Variants in CALCOCO2 observed in about 807,000 individuals in gnomAD.
CALCOCO2 encodes calcium-binding and coiled-coil domain-containing protein 2.
Under a neutral mutation model 62.5 loss-of-function variants are expected in CALCOCO2, and 42 were observed. The observed-to-expected ratio is 0.67, with a 90% CI of 0.53 to 0.87. CALCOCO2 has a LOEUF of 0.87. Ranked by LOEUF, CALCOCO2 falls within the 40% of genes least tolerant of loss-of-function variation. The pLI is 0.00. For missense variants in CALCOCO2, 456 were observed against 515.0 expected, an observed-to-expected ratio of 0.89 and a Z score of 1.11; for synonymous variants, 167 against 173.0, an observed-to-expected ratio of 0.97 and a Z score of 0.27.
chr17:48,834,316 A>G (rs1401030797), intron 1 of CALCOCO2, among the ~76,000 whole-genome samples: 2 of 151,982 alleles, frequency 1.3e-5, no homozygotes, highest in East Asian at 3.9e-4. Flanking sequence ...ATACTTTCCC[A>G]TTATTGCCTG....
Position 48,849,256 on chromosome 17 carries a change from AG to A in CALCOCO2, c.424del (p.Val142TrpfsTer18), listed in dbSNP as rs758782547. On this transcript the variant is annotated frameshift_variant, in exon 5 of 13. Transcript: ENST00000258947. LOFTEE classifies it high-confidence loss of function. The stretch of plus-strand genomic sequence containing the variant: ...TTATGGAATGTTCTTTTGTAGGGAG[AG>A]GTGGAAGAGATTGAGCAGCACAACA... Reference protein sequence around the residue: ...EDILVVTTQGEVEEIEQHNKE... With the variant: ...EDILVVTTQGXVEEIEQHNKE... The A allele has an allele frequency of 9.3e-6, 15 of 1,613,526 alleles. No homozygotes were observed. The African/African-American group carries it at 1.7e-4, about 19-fold the overall frequency.
intron 2 of CALCOCO2, among the ~76,000 whole-genome samples, chr17:48,845,113 G>T (rs1453130236): frequency 6.6e-6 from 1 of 151,744 alleles, no homozygotes; most frequent in Non-Finnish European, 1.5e-5. Context: ...TCCAGCCTGG[G>T]CAACAGAGCA....
chr17:48,860,404 G>A lies in CALCOCO2; in HGVS notation c.1099G>A (p.Gly367Ser), dbSNP rs977693511. The change falls in exon 11 of 13, where the codon GGC becomes AGC. Residue 367 changes from glycine to serine, a missense_variant. Physicochemically the swap from Gly to Ser is moderately conservative, Grantham distance 56. Transcript: ENST00000258947. The part of the protein sequence containing the change: ...PYQVPTSDEG[G>S]ARQNPGLAYG... Reference sequence around the variant, plus strand: ...TCAAGTACCTACTTCAGATGAAGGAGGCGCAAGACAAAATCCAGGACTTGC... The same window carrying A: ...TCAAGTACCTACTTCAGATGAAGGAAGCGCAAGACAAAATCCAGGACTTGC... 9 of 1,613,972 alleles carry A rather than the reference G, an allele frequency of 5.6e-6. No homozygotes were observed. Among genetic ancestry groups the A allele is most frequent in the Non-Finnish European group, 7.6e-6 (9 of 1,179,880 alleles).
Position 48,856,087 on chromosome 17 carries a change from G to T in CALCOCO2, c.913-5G>T. On this transcript the variant is annotated splice_polypyrimidine_tract_variant and splice_region_variant and intron_variant, in intron 9 of 12. Transcript: ENST00000258947. ...CCTAATCCTAATTTTTTTTATTGTT[G>T]ACAGGATGAAAACTTTGACCTGTCA... 1.3e-6 allele frequency: 2 copies of T among 1,507,908 alleles called. No individual in the cohort carries two copies. Among genetic ancestry groups the T allele is most frequent in the South Asian group, 2.3e-5 (2 of 86,714 alleles). The allele number at this position is 1,507,908 out of a possible 1,614,324, so 93.4% of individuals were successfully genotyped here.
At chr17:48,862,021 C>G (rs1016749754) in intron 11 of CALCOCO2, among the ~76,000 whole-genome samples, 98 of 148,466 alleles carry the variant, frequency 6.6e-4, no homozygotes, top group African/African-American at 2.2e-3. Flanking sequence ...TGCACTCCAG[C>G]CTAGGCGACA....
intron 4 of CALCOCO2, chr17:48,848,809 T>TACA: frequency 2.0e-6 from 1 of 493,904 alleles, no homozygotes; most frequent in South Asian, 1.5e-5. Context: ...AGTTCTGGCC[T>TACA]ACAGCCTGTC....
intron 2 of CALCOCO2, among the ~76,000 whole-genome samples, chr17:48,843,563 A>C (rs2040004299): frequency 6.6e-6 from 1 of 152,214 alleles, no homozygotes. Context: ...AGCTGGAGGT[A>C]ACAAGACTGG....
chr17:48,838,582 C>G (rs996842443), intron 1 of CALCOCO2, among the ~76,000 whole-genome samples: 3 of 151,998 alleles, frequency 2.0e-5, no homozygotes, highest in Non-Finnish European at 4.4e-5. Flanking sequence ...GGCATGGTGG[C>G]AGGCGTCTGT....
chr17:48,863,088 C>A lies in CALCOCO2; in HGVS notation c.*83C>A. 1 of 1,019,446 alleles carries A rather than the reference C, an allele frequency of 9.8e-7. No homozygotes were observed. The highest frequency in any genetic ancestry group is 1.6e-6 in the Non-Finnish European group (1 of 644,514). 63.2% of individuals were successfully genotyped at this position (1,019,446 alleles called of 1,614,324 possible). A position where few individuals can be genotyped will look rare whatever the true frequency, so the allele number is the denominator to read the frequency against. On this transcript the variant is annotated 3_prime_UTR_variant, in exon 13 of 13. Coordinates refer to ENST00000258947, the MANE Select transcript of CALCOCO2 (RefSeq NM_005831.5). ...ACCATGAGTTATATGAGTCAAGATCCTGCCTAACCTGAAATTATTAGGGAT... is the reference window on the plus strand; with the variant it reads ...ACCATGAGTTATATGAGTCAAGATCATGCCTAACCTGAAATTATTAGGGAT...
intron 10 of CALCOCO2, among the ~76,000 whole-genome samples, chr17:48,858,046 A>ATAGAAAATAGAATAGAATAG: frequency 9.5e-4 from 38 of 39,984 alleles, no homozygotes; most frequent in African/African-American, 2.6e-3. Flanking sequence ...ATAGAATAGA[A>ATAGAAAATAGAATAGAATAG]AATAGAATAG....
At chr17:48,860,225 A>G in intron 10 of CALCOCO2, 89 bp from the exon 11 acceptor site, 2 of 951,360 alleles carry the variant, frequency 2.1e-6, no homozygotes, top group South Asian at 3.2e-5. Context: ...GCTAATTGAG[A>G]ACTACCTGGG....
Position 48,852,833 on chromosome 17 carries a change from C to A in CALCOCO2, c.826-93C>A, listed in dbSNP as rs1183806916. 9.4e-6 allele frequency: 10 copies of A among 1,060,280 alleles called. No homozygotes were observed. In the East Asian group the frequency reaches 2.0e-4, roughly 21 times the overall value. 65.7% of individuals were successfully genotyped at this position (1,060,280 alleles called of 1,614,324 possible). On this transcript the variant is annotated intron_variant, in intron 8 of 12. Coordinates refer to ENST00000258947, the MANE Select transcript of CALCOCO2 (RefSeq NM_005831.5). ...GAAGACTTGCCTCTCCCTATGCATC[C>A]TGCTTGCTCATTAGCTTAGCAGGCC...
At chr17:48,862,438 G>T in intron 12 of CALCOCO2, 134 bp downstream of exon 12, 1 of 736,436 alleles carries the variant, frequency 1.4e-6, no homozygotes, top group Non-Finnish European at 2.4e-6. Flanking sequence ...AGTTTGTTTT[G>T]GGCCCAAGGC....
At chr17:48,845,921 C>T (rs1048123860) in intron 2 of CALCOCO2, 14 of 463,892 alleles carry the variant, frequency 3.0e-5, no homozygotes, top group Middle Eastern at 5.4e-4. Flanking sequence ...TTTTCCTCCT[C>T]TACTCTGCTG....
chr17:48,852,310 T>C, intron 7 of CALCOCO2, 196 bp from the exon 8 acceptor site: 1 of 539,290 alleles, frequency 1.9e-6, no homozygotes, highest in Non-Finnish European at 3.4e-6. Context: ...ATAGAGCAGA[T>C]AGCAGAACTG....
At chr17:48,851,860 A>C (rs541844517) in intron 7 of CALCOCO2, among the ~76,000 whole-genome samples, 1 of 152,064 alleles carries the variant, frequency 6.6e-6, no homozygotes, top group African/African-American at 2.4e-5. Flanking sequence ...AGCCGGGCGC[A>C]GTGGCTCATG....
chr17:48,846,473 C>G (rs1245866421), intron 2 of CALCOCO2: 31 of 1,498,954 alleles, frequency 2.1e-5, no homozygotes, highest in Non-Finnish European at 2.6e-5. Flanking sequence ...CAAATTGGAA[C>G]AAGAACTACT....
chr17:48,851,513 A>T (rs747639112), intron 6 of CALCOCO2, 46 bp from the exon 7 acceptor site: 2 of 1,084,020 alleles, frequency 1.8e-6, no homozygotes, highest in Non-Finnish European at 2.9e-6. Context: ...GGGGTAGCTG[A>T]CCTGGAATCA....
chr17:48,849,761 C>T (rs530182012), intron 5 of CALCOCO2, among the ~76,000 whole-genome samples: 2 of 151,982 alleles, frequency 1.3e-5, no homozygotes, highest in Non-Finnish European at 1.5e-5. Context: ...GCCTGAGCTT[C>T]CCAAAGTGCT....
Sources: gnomAD v4.1 joint callset for allele counts (sites outside exome capture counted in the v4.1 genomes callset) on GRCh38, gnomAD v4.1.1 for gene constraint, MANE v1.5 for transcripts, NCBI Gene and HGNC (gene_info 2026-07-23, HGNC 2026-07-21) for gene names.